The following ROBO1 variants were observed in gnomAD, a reference collection of about 807,000 sequenced individuals.
ROBO1 encodes roundabout guidance receptor 1, also known as roundabout homolog 1.
A neutral mutation model predicts 195.9 loss-of-function variants in ROBO1; 149 were observed. The ratio of observed to expected loss-of-function variants is 0.76; its 90% CI spans 0.67 to 0.87. The LOEUF (loss-of-function observed/expected upper bound fraction) is 0.87. ROBO1 is among the 40% of genes least tolerant of loss of function. ROBO1 has a pLI of 0.00. For missense variants in ROBO1, 1,933 were observed against 2,068.3 expected, an observed-to-expected ratio of 0.93 and a Z score of 1.27; for synonymous variants, 816 against 733.2, an observed-to-expected ratio of 1.11 and a Z score of -1.82.
chr3:78,708,472 CT>C (rs539140304), intron 8 of ROBO1, among the ~76,000 whole-genome samples: 38 of 151,952 alleles, frequency 2.5e-4, no homozygotes, highest in Admixed American at 2.2e-3. Flanking sequence ...AAAGCATTTG[CT>C]TTTCTTTTTA....
At chr3:78,911,400 G>A (rs1321302463) in intron 4 of ROBO1, among the ~76,000 whole-genome samples, 1 of 152,036 alleles carries the variant, frequency 6.6e-6, no homozygotes, top group Non-Finnish European at 1.5e-5. Flanking sequence ...GTTTTAAAAA[G>A]CAGAGCATCT....
intron 2 of ROBO1, among the ~76,000 whole-genome samples, chr3:79,506,739 G>A (rs957011517): frequency 7.9e-5 from 12 of 152,162 alleles, no homozygotes; most frequent in South Asian, 6.2e-4. Context: ...CACTGTGCCC[G>A]GCTGAGACAA....
intron 10 of ROBO1, among the ~76,000 whole-genome samples, chr3:78,671,298 G>GT (rs540422632): frequency 1.2e-4 from 18 of 150,360 alleles, no homozygotes; most frequent in South Asian, 6.3e-4. Flanking sequence ...AAACTCTATA[G>GT]TTTTTTTTTA....
chr3:79,214,666 G>A (rs2082022554), intron 2 of ROBO1, among the ~76,000 whole-genome samples: 1 of 151,428 alleles, frequency 6.6e-6, no homozygotes, highest in Non-Finnish European at 1.5e-5. Flanking sequence ...AGGCATGAAG[G>A]TCCAGTGCTG....
intron 1 of ROBO1, among the ~76,000 whole-genome samples, chr3:79,717,018 C>G (rs977126893): frequency 6.6e-6 from 1 of 151,782 alleles, no homozygotes; most frequent in Non-Finnish European, 1.5e-5. Flanking sequence ...ATTAATTAAT[C>G]CATTTTGCAG....
chr3:79,454,822 C>G (rs2039563909), intron 2 of ROBO1, among the ~76,000 whole-genome samples: 1 of 152,042 alleles, frequency 6.6e-6, no homozygotes, highest in South Asian at 2.1e-4. Flanking sequence ...ATACCTCATG[C>G]CCAGAATGCT....
intron 1 of ROBO1, 29 bp from the exon 2 acceptor site, chr3:79,589,990 T>C: frequency 2.0e-6 from 2 of 983,600 alleles, no homozygotes; most frequent in Non-Finnish European, 3.2e-6. Context: ...TATTATTTTG[T>C]AATGGTTAGC....
chr3:79,445,763 A>G (rs1395632611), intron 2 of ROBO1, among the ~76,000 whole-genome samples: 7 of 148,818 alleles, frequency 4.7e-5, no homozygotes, highest in East Asian at 2.0e-4. Context: ...CCGGGTTCAC[A>G]CCATTCTCCT....
rs1437294737 is a variant in ROBO1, at chr3:79,293,855, G to A, written c.89-168316C>T. On this transcript the variant is annotated intron_variant, in intron 2 of 30. Transcript: ENST00000464233. The stretch of plus-strand genomic sequence containing the variant: ...GGGCGGATCACGAGGTCAGGAGATC[G>A]AGACCATCCTGGCTAACACGGTGAA... 2.6e-5 allele frequency among the ~76,000 whole-genome samples: 4 copies of A among 151,502 alleles called. No individual in the cohort carries two copies. The East Asian group carries it at 7.8e-4, about 30-fold the overall frequency.
intron 3 of ROBO1, among the ~76,000 whole-genome samples, chr3:78,962,823 C>CTAAA (rs2041440093): frequency 3.8e-5 from 1 of 26,196 alleles, no homozygotes; most frequent in Non-Finnish European, 7.9e-5. Context: ...GACTCCATCT[C>CTAAA]AAAAAAAAAA....
chr3:78,668,485 T>C lies in ROBO1; in HGVS notation c.1629A>G (p.Gln543=). The stretch of plus-strand genomic sequence containing the variant: ...AGGGAAACACACCATTTACTTTACC[T>C]TGAACTTCAATGTAAGCACTCCATG... ...EATWSAYIEV[Q]EFGVPVQPPR... is the part of the protein sequence containing the mutation. Residue 543 remains glutamine, a splice_region_variant and synonymous_variant, in exon 12 of 31, where the codon CAA becomes CAG. Coordinates refer to ENST00000464233, the MANE Select transcript of ROBO1 (RefSeq NM_002941.4). 1 of 1,613,790 alleles carries C rather than the reference T, an allele frequency of 6.2e-7. No individual in the cohort carries two copies. The highest frequency in any genetic ancestry group is 8.5e-7 in the Non-Finnish European group (1 of 1,179,754).
At chr3:78,827,770 C>T (rs141319753) in intron 4 of ROBO1, among the ~76,000 whole-genome samples, 5 of 152,302 alleles carry the variant, frequency 3.3e-5, no homozygotes, top group African/African-American at 9.6e-5. Flanking sequence ...AGAATGTTCT[C>T]TTCCTAAGGG....
intron 2 of ROBO1, among the ~76,000 whole-genome samples, chr3:79,302,039 A>G (rs1461788134): frequency 6.6e-6 from 1 of 152,180 alleles, no homozygotes; most frequent in African/African-American, 2.4e-5. Context: ...AAGATAAGTA[A>G]AACGGTAAAT....
At chr3:78,960,720 T>C (rs1206587478) in intron 3 of ROBO1, among the ~76,000 whole-genome samples, 1 of 149,460 alleles carries the variant, frequency 6.7e-6, no homozygotes, top group African/African-American at 2.5e-5. Flanking sequence ...GAGCTTGCAG[T>C]GAGCCGAGAT....
intron 2 of ROBO1, among the ~76,000 whole-genome samples, chr3:79,426,335 T>G (rs2106978387): frequency 6.6e-6 from 1 of 152,172 alleles, no homozygotes; most frequent in East Asian, 1.9e-4. Flanking sequence ...TCTCTTCTCT[T>G]ACTTCCTTTC....
At chr3:78,901,403 G>T (rs967523499) in intron 4 of ROBO1, among the ~76,000 whole-genome samples, 2 of 152,052 alleles carry the variant, frequency 1.3e-5, no homozygotes, top group Non-Finnish European at 2.9e-5. Context: ...CAAAGAAAAT[G>T]ATTTAATAAC....
intron 3 of ROBO1, among the ~76,000 whole-genome samples, chr3:79,090,184 C>T (rs749232381): frequency 1.3e-5 from 2 of 152,140 alleles, no homozygotes; most frequent in Admixed American, 6.6e-5. Flanking sequence ...GTGATCCACC[C>T]GCCTCAGCCT....
intron 4 of ROBO1, among the ~76,000 whole-genome samples, chr3:78,915,333 G>A (rs1462895535): frequency 1.3e-5 from 2 of 152,040 alleles, no homozygotes; most frequent in Non-Finnish European, 2.9e-5. Context: ...TTACCACCAG[G>A]TGTTTCCGAT....
intron 8 of ROBO1, among the ~76,000 whole-genome samples, chr3:78,707,138 G>A (rs2081571677): frequency 6.6e-6 from 1 of 152,092 alleles, no homozygotes. Flanking sequence ...AGTAAATAGG[G>A]GTCAATCATA....
Sources: allele counts gnomAD v4.1 joint callset (sites outside exome capture counted in the v4.1 genomes callset), GRCh38; gene constraint gnomAD v4.1.1; transcripts MANE v1.5; gene names NCBI Gene and HGNC (gene_info 2026-07-23, HGNC 2026-07-21).